BMPER: variants seen among roughly 807,000 people sequenced by gnomAD.
BMPER encodes the protein BMP-binding endothelial regulator protein.
In BMPER, 45 loss-of-function variants were observed where a neutral mutation model predicts 87.3. The ratio of observed to expected loss-of-function variants is 0.52; its 90% CI spans 0.41 to 0.66. The LOEUF (loss-of-function observed/expected upper bound fraction) is 0.66. Ranked by LOEUF, BMPER falls within the 30% of genes least tolerant of loss-of-function variation. The pLI is 0.00. For synonymous variants in BMPER, 326 were observed against 316.2 expected, an observed-to-expected ratio of 1.03 and a Z score of -0.33; for missense variants, 784 against 867.5, an observed-to-expected ratio of 0.90 and a Z score of 1.21.
chr7:34,090,850 T>C (rs1789360145), intron 13 of BMPER, among the ~76,000 whole-genome samples: 1 of 152,186 alleles, frequency 6.6e-6, no homozygotes, highest in African/African-American at 2.4e-5. Context: ...CTCTCTGCAC[T>C]CTCCTTGACG....
Position 34,051,872 on chromosome 7 carries a change from G to T in BMPER, c.688G>T (p.Val230Leu), listed in dbSNP as rs567210222. 1.9e-6 allele frequency: 3 copies of T among 1,613,354 alleles called. No individual in the cohort carries two copies. In the African/African-American group the frequency reaches 4.0e-5, roughly 22 times the overall value. Reference sequence around the variant, plus strand: ...CTGTTTCTCTCTAGGTCAGAGGAAAGTGTTTGACCTCCCTTTTGGGAGCTG... The same window carrying T: ...CTGTTTCTCTCTAGGTCAGAGGAAATTGTTTGACCTCCCTTTTGGGAGCTG... ...CCPKCLGQRK[V>L]FDLPFGSCLF... Residue 230 changes from valine (V) to leucine (L), a missense_variant, in exon 8 of 15, where the codon GTG becomes TTG. Val to Leu is a conservative substitution (Grantham distance 32). Coordinates refer to ENST00000649409, the MANE Select transcript of BMPER (RefSeq NM_001365308.1).
chr7:34,016,893 T>C, intron 6 of BMPER, among the ~76,000 whole-genome samples: 1 of 151,992 alleles, frequency 6.6e-6, no homozygotes. Context: ...ATGTTGGTGT[T>C]AGTCAATGTT....
intron 2 of BMPER, among the ~76,000 whole-genome samples, chr7:33,925,805 A>G (rs893652789): frequency 6.6e-6 from 1 of 152,186 alleles, no homozygotes; most frequent in African/African-American, 2.4e-5. Context: ...TCATTTGTGA[A>G]TTGTCAATCC....
intron 13 of BMPER, among the ~76,000 whole-genome samples, chr7:34,108,866 C>T (rs145534229): frequency 5.6e-4 from 86 of 152,294 alleles, no homozygotes; most frequent in African/African-American, 2.0e-3. Context: ...TTCACCCTAA[C>T]ATAGGCTACC....
chr7:34,085,998 A>G lies in BMPER; in HGVS notation c.1651A>G (p.Lys551Glu). 3 of 1,614,148 alleles carry G rather than the reference A, an allele frequency of 1.9e-6. No individual in the cohort carries two copies. Among genetic ancestry groups the G allele is most frequent in the Non-Finnish European group, 2.5e-6 (3 of 1,180,024 alleles). ...PVPELCQGTV[K>E]VKLRAHRECQ... ...GCCTGAACTGTGTCAAGGGACAGTCAAGGTAAAGCTCCGGGCCCATCGAGA... is the reference window on the plus strand; with the variant it reads ...GCCTGAACTGTGTCAAGGGACAGTCGAGGTAAAGCTCCGGGCCCATCGAGA... The change falls in exon 13 of 15, where the codon AAG becomes GAG. Residue 551 changes from lysine (K) to glutamate (E), a missense_variant. Transcript: ENST00000649409.
intron 6 of BMPER, among the ~76,000 whole-genome samples, chr7:34,033,093 G>T (rs940073617): frequency 6.6e-6 from 1 of 152,128 alleles, no homozygotes; most frequent in East Asian, 1.9e-4. Flanking sequence ...TAATATAAAT[G>T]GGAGCTATTT....
Position 34,051,966 on chromosome 7 carries a change from G to T in BMPER, c.782G>T (p.Cys261Phe). 9 of 1,609,284 alleles carry T rather than the reference G, an allele frequency of 5.6e-6. No individual in the cohort carries two copies. Among genetic ancestry groups the T allele is most frequent in the Non-Finnish European group, 7.7e-6 (9 of 1,175,596 alleles). Reference sequence around the variant, plus strand: ...TACGATAACTGCACAGCTTGTACCTGCAGGGTAAGGCAGCTCTGAGAGGCT... The same window carrying T: ...TACGATAACTGCACAGCTTGTACCTTCAGGGTAAGGCAGCTCTGAGAGGCT... ...FLYDNCTACT[C>F]RDSTVVCKRK... Residue 261 changes from cysteine (C) to phenylalanine (F), a missense_variant, in exon 8 of 15, where the codon TGC becomes TTC. Transcript: ENST00000649409.
At chr7:34,061,965 T>TA in intron 10 of BMPER, 37 bp from the exon 11 acceptor site, 1 of 1,519,758 alleles carries the variant, frequency 6.6e-7, no homozygotes, top group Non-Finnish European at 9.0e-7. Context: ...TTTTTTTTTT[T>TA]AAACAGTAAC....
At chr7:33,976,887 G>T (rs1785701735) in intron 6 of BMPER, among the ~76,000 whole-genome samples, 1 of 152,198 alleles carries the variant, frequency 6.6e-6, no homozygotes, top group African/African-American at 2.4e-5. Flanking sequence ...CACAATGCAT[G>T]ATGAATGAAA....
intron 6 of BMPER, among the ~76,000 whole-genome samples, chr7:34,012,140 T>C (rs1019997140): frequency 2.6e-5 from 4 of 151,844 alleles, no homozygotes; most frequent in African/African-American, 9.7e-5. Flanking sequence ...CAAAGGAGAA[T>C]AGGGAACAAG....
At chr7:33,936,106 A>G (rs998778634) in intron 2 of BMPER, among the ~76,000 whole-genome samples, 4 of 152,170 alleles carry the variant, frequency 2.6e-5, no homozygotes, top group Non-Finnish European at 4.4e-5. Flanking sequence ...TGAGCAAGAA[A>G]TGGTGAGATC....
At chr7:33,917,780 T>A (rs1203758359) in intron 2 of BMPER, among the ~76,000 whole-genome samples, 1 of 152,176 alleles carries the variant, frequency 6.6e-6, no homozygotes, top group African/African-American at 2.4e-5. Context: ...ACCAGATGAT[T>A]TTTCATGGCT....
At chr7:33,941,065 C>CATATAATTTATATATTTAT (rs1365251904) in intron 3 of BMPER, among the ~76,000 whole-genome samples, 1 of 126,326 alleles carries the variant, frequency 7.9e-6, no homozygotes, top group Non-Finnish European at 1.6e-5. Flanking sequence ...TAATATATTA[C>CATATAATTTATATATTTAT]ATATAATTTA....
intron 11 of BMPER, among the ~76,000 whole-genome samples, chr7:34,077,251 A>C (rs1396637858): frequency 1.3e-5 from 2 of 152,126 alleles, no homozygotes; most frequent in East Asian, 1.9e-4. Flanking sequence ...TGATAAATGC[A>C]CTCTGAAGAG....
intron 4 of BMPER, among the ~76,000 whole-genome samples, chr7:33,968,678 A>G (rs148418034): frequency 1.3e-5 from 2 of 152,354 alleles, no homozygotes; most frequent in African/African-American, 2.4e-5. Context: ...GAGCGCCTGC[A>G]TGGACTGGGT....
chr7:34,133,934 A>G (rs1378774683), intron 13 of BMPER, among the ~76,000 whole-genome samples: 1 of 151,484 alleles, frequency 6.6e-6, no homozygotes, highest in African/African-American at 2.4e-5. Context: ...AAGGATTCCG[A>G]CTCTCTTGTA....
chr7:33,922,022 T>G (rs1038567691), intron 2 of BMPER: 27 of 341,670 alleles, frequency 7.9e-5, no homozygotes, highest in African/African-American at 5.4e-4. Flanking sequence ...AAAGCCATTC[T>G]GGGAAATTTT....
intron 3 of BMPER, among the ~76,000 whole-genome samples, chr7:33,951,396 A>G (rs751432297): frequency 5.0e-4 from 76 of 152,124 alleles, no homozygotes; most frequent in Non-Finnish European, 6.5e-4. Context: ...ACTTCCTGCC[A>G]TGGAATTTTG....
intron 6 of BMPER, among the ~76,000 whole-genome samples, chr7:34,022,810 T>G (rs1787232083): frequency 6.6e-6 from 1 of 151,258 alleles, no homozygotes; most frequent in Non-Finnish European, 1.5e-5. Context: ...TGACCCGGAG[T>G]TTGTCTCAGA....
Sources: allele counts gnomAD v4.1 joint callset (sites outside exome capture counted in the v4.1 genomes callset), GRCh38; gene constraint gnomAD v4.1.1; transcripts MANE v1.5; gene names NCBI Gene and HGNC (gene_info 2026-07-23, HGNC 2026-07-21).